Variants in AFF3 observed in about 807,000 individuals in gnomAD.
AFF3 encodes AF4/FMR2 family member 3.
Under a neutral mutation model 129.7 loss-of-function variants are expected in AFF3, and 32 were observed. The observed-to-expected ratio is 0.25, with a 90% CI of 0.19 to 0.33. The LOEUF (loss-of-function observed/expected upper bound fraction) is 0.33, where lower values mean the gene tolerates loss of function less well. Ranked by LOEUF, AFF3 falls within the 10% of genes least tolerant of loss-of-function variation. The probability of loss-of-function intolerance (pLI) is 1.00; values close to 1 mark genes in which losing one functional copy is unlikely to be tolerated. For synonymous variants in AFF3, 644 were observed against 635.4 expected, an observed-to-expected ratio of 1.01 and a Z score of -0.20; for missense variants, 1,373 against 1,592.0, an observed-to-expected ratio of 0.86 and a Z score of 2.34.
intron 4 of AFF3, among the ~76,000 whole-genome samples, chr2:100,030,764 T>C (rs1345644094): frequency 6.6e-6 from 1 of 152,222 alleles, no homozygotes; most frequent in African/African-American, 2.4e-5. Context: ...TAAAGCTACA[T>C]ATTGGATGAT....
chr2:99,808,992 C>T (rs928884338), intron 8 of AFF3, among the ~76,000 whole-genome samples: 4 of 152,288 alleles, frequency 2.6e-5, no homozygotes, highest in East Asian at 1.9e-4. Flanking sequence ...CACAGGAGTT[C>T]GTTCCCTGGG....
chr2:99,722,989 T>A (rs1324496849), intron 11 of AFF3, among the ~76,000 whole-genome samples: 1 of 152,230 alleles, frequency 6.6e-6, no homozygotes, highest in East Asian at 1.9e-4. Flanking sequence ...AGGATCAAAT[T>A]TCCTACATTC....
At chr2:99,932,747 T>C (rs1260286284) in intron 7 of AFF3, among the ~76,000 whole-genome samples, 2 of 152,162 alleles carry the variant, frequency 1.3e-5, no homozygotes, top group African/African-American at 4.8e-5. Flanking sequence ...ACAACATCAG[T>C]TTTACACTCT....
At chr2:99,744,593 T>A (rs570775407) in intron 9 of AFF3, among the ~76,000 whole-genome samples, 2 of 152,186 alleles carry the variant, frequency 1.3e-5, no homozygotes, top group Non-Finnish European at 2.9e-5. Flanking sequence ...CATCTGTCTC[T>A]TGGATTTATC....
chr2:99,895,176 T>C (rs1693850372), intron 7 of AFF3, among the ~76,000 whole-genome samples: 1 of 152,228 alleles, frequency 6.6e-6, no homozygotes, highest in South Asian at 2.1e-4. Flanking sequence ...CTATTTCTAC[T>C]GGATATGTTC....
chr2:99,828,933 A>C (rs1470431335), intron 8 of AFF3, among the ~76,000 whole-genome samples: 1 of 152,216 alleles, frequency 6.6e-6, no homozygotes, highest in Non-Finnish European at 1.5e-5. Context: ...ATATCACTTC[A>C]GCAGATATTT....
intron 7 of AFF3, among the ~76,000 whole-genome samples, chr2:99,992,525 C>G (rs957811903): frequency 6.6e-6 from 1 of 152,150 alleles, no homozygotes; most frequent in Non-Finnish European, 1.5e-5. Flanking sequence ...ATGTGGGGCA[C>G]AATTATCGAA....
rs971682550 is a variant in AFF3 at position 100,056,107 on chromosome 2, T to A, written c.54-47175A>T. On this transcript the variant is annotated intron_variant, in intron 4 of 24. Coordinates refer to ENST00000672756, the MANE Select transcript of AFF3 (RefSeq NM_001386135.1). ...CACACACACACACACACACACACAC[T>A]GGTTATGGCAGCAAATATAAACTCA... Among the ~76,000 whole-genome samples the A allele has an allele frequency of 8.9e-4, 98 of 109,816 alleles. 1 individual carries two copies. The highest frequency in any genetic ancestry group is 3.0e-3 in the Admixed American group (34 of 11,204). 72.0% of individuals were successfully genotyped at this position (109,816 alleles called of 152,430 possible).
chr2:99,820,701 G>A (rs181969047), intron 8 of AFF3, among the ~76,000 whole-genome samples: 277 of 139,900 alleles, frequency 2.0e-3, no homozygotes, highest in African/African-American at 6.8e-3. Context: ...ACAACACATT[G>A]TACAAAAAAG....
chr2:99,839,337 T>C (rs184734362), intron 7 of AFF3, among the ~76,000 whole-genome samples: 179 of 152,248 alleles, frequency 1.2e-3, no homozygotes, highest in Admixed American at 3.3e-3. Flanking sequence ...CTCAAACTCC[T>C]GACTTCAGGT....
In AFF3 at chr2:99,582,840, A is replaced by G; in HGVS notation, c.2751T>C (p.Pro917=). 1 of 1,614,226 alleles carries G rather than the reference A, an allele frequency of 6.2e-7. No individual in the cohort carries two copies. Among genetic ancestry groups the G allele is most frequent in the South Asian group, 1.1e-5 (1 of 91,090 alleles). Residue 917 remains proline, a synonymous_variant, in exon 17 of 25, where the codon CCT becomes CCC. Coordinates refer to ENST00000672756, the MANE Select transcript of AFF3 (RefSeq NM_001386135.1). ...GAGGCTGCAGCTGGCTGTCGGCCTT[A>G]GGCTTTTTGCTGGAAGAGGCTGAAG... is the stretch of plus-strand genomic sequence containing the variant. The part of the protein sequence containing the change: ...LFTSASSSKK[P]KADSQLQPHG...
At chr2:99,798,910 T>A (rs1260458169) in intron 8 of AFF3, among the ~76,000 whole-genome samples, 1 of 151,982 alleles carries the variant, frequency 6.6e-6, no homozygotes, top group East Asian at 1.9e-4. Flanking sequence ...TTAGTCAGAC[T>A]TTTCTGACTA....
intron 2 of AFF3, chr2:100,105,888 C>T (rs1200636499): frequency 8.3e-6 from 11 of 1,332,074 alleles, no homozygotes; most frequent in Non-Finnish European, 1.0e-5. Context: ...TCGCACTCCC[C>T]GCCAAAAGGG....
intron 12 of AFF3, among the ~76,000 whole-genome samples, chr2:99,650,764 T>A (rs1685160672): frequency 6.6e-6 from 1 of 151,286 alleles, no homozygotes; most frequent in African/African-American, 2.4e-5. Flanking sequence ...ATGTATTGAT[T>A]TGTTTTTTGT....
intron 7 of AFF3, among the ~76,000 whole-genome samples, chr2:99,928,171 G>A (rs1696412578): frequency 6.6e-6 from 1 of 152,154 alleles, no homozygotes; most frequent in Non-Finnish European, 1.5e-5. Flanking sequence ...TCTTTTATCA[G>A]CAGCGTGAAA....
chr2:99,773,738 G>T (rs1198309695), intron 8 of AFF3, among the ~76,000 whole-genome samples: 2 of 152,190 alleles, frequency 1.3e-5, no homozygotes, highest in East Asian at 3.9e-4. Flanking sequence ...GGGCAATCAG[G>T]CAAGAGAAAG....
intron 12 of AFF3, among the ~76,000 whole-genome samples, chr2:99,668,938 T>A (rs1012459930): frequency 8.5e-5 from 13 of 152,174 alleles, no homozygotes; most frequent in Admixed American, 8.5e-4. Context: ...ATAAGATCAG[T>A]ATTACCCTGA....
In AFF3 at chr2:99,813,905, C is replaced by T. The variant is rs1558875193; in HGVS notation, c.921+23572G>A. On this transcript the variant is annotated intron_variant, in intron 8 of 24. Coordinates refer to ENST00000672756, the MANE Select transcript of AFF3 (RefSeq NM_001386135.1). ...GCTGCTGACCCTACCAAGTTGAGTA[C>T]TACTGAGCAAGTTGTTCTAATGAAA... Among the ~76,000 whole-genome samples the T allele has an allele frequency of 2.6e-5, 4 of 152,210 alleles. No homozygotes were observed. In the South Asian group the frequency reaches 8.3e-4, roughly 32 times the overall value.
chr2:99,649,142 C>T lies in AFF3; in HGVS notation c.1184+484G>A, dbSNP rs570911197. On this transcript the variant is annotated intron_variant, in intron 13 of 24. Coordinates refer to ENST00000672756, the MANE Select transcript of AFF3 (RefSeq NM_001386135.1). ...TCAGTAACACGCGCCAGGAGAAAGA[C>T]GCCAAAGCAAGGAGTAAAAAGTCAA... is the stretch of plus-strand genomic sequence containing the variant. 2.4e-4 allele frequency among the ~76,000 whole-genome samples: 36 copies of T among 152,050 alleles called. 2 individuals are homozygous for T. The highest frequency in any genetic ancestry group is 1.4e-3 in the East Asian group (7 of 5,178).
Sources: gnomAD v4.1 joint callset for allele counts (sites outside exome capture counted in the v4.1 genomes callset) on GRCh38, gnomAD v4.1.1 for gene constraint, MANE v1.5 for transcripts, NCBI Gene and HGNC (gene_info 2026-07-23, HGNC 2026-07-21) for gene names.